The following FAHD2A variants were observed in gnomAD, a reference collection of about 807,000 sequenced individuals.
FAHD2A encodes oxaloacetate tautomerase FAHD2A, mitochondrial.
In FAHD2A, 27 loss-of-function variants were observed where a neutral mutation model predicts 33.4. That is an observed-to-expected ratio of 0.81 (90% CI 0.60 to 1.11). The LOEUF (loss-of-function observed/expected upper bound fraction) is 1.11. Among genes scored for constraint, FAHD2A ranks in the 50% most tolerant of loss-of-function variants. The pLI is 0.00. For missense variants in FAHD2A, 296 were observed against 395.0 expected, an observed-to-expected ratio of 0.75 and a Z score of 2.12; for synonymous variants, 130 against 153.3, an observed-to-expected ratio of 0.85 and a Z score of 1.12.
chr2:95,403,321 A>G (rs2874266), intron 1 of FAHD2A, among the ~76,000 whole-genome samples: 6 of 151,972 alleles, frequency 3.9e-5, no homozygotes, highest in African/African-American at 9.7e-5. Flanking sequence ...CTACCTGAGG[A>G]GATTGCTGTA....
At chr2:95,410,825 A>T (rs894584573) in intron 4 of FAHD2A, 39 bp from the exon 5 acceptor site, 8 of 1,611,356 alleles carry the variant, frequency 5.0e-6, no homozygotes, top group Non-Finnish European at 6.8e-6. Context: ...GTCACCCATG[A>T]TCTAACCTCC....
At position 95,412,334 on chromosome 2, in the gene FAHD2A, C is replaced by T. The variant is rs1682660747; in HGVS notation, c.686-100C>T. The T allele has an allele frequency of 4.9e-6, 7 of 1,429,538 alleles. No homozygotes were observed. The South Asian group carries it at 9.0e-5, about 18-fold the overall frequency. The allele number at this position is 1,429,538 out of a possible 1,614,324, so 88.6% of individuals were successfully genotyped here. On this transcript the variant is annotated intron_variant, in intron 5 of 7. Transcript: ENST00000233379. Reference sequence around the variant, plus strand: ...ATGTGGGCACTTTGAAGCCCTTTCACCTGCCAAGTCACGAAGCACCCCTAC... The same window carrying T: ...ATGTGGGCACTTTGAAGCCCTTTCATCTGCCAAGTCACGAAGCACCCCTAC...
At chr2:95,408,318 A>C (rs1385112026) in intron 3 of FAHD2A, among the ~76,000 whole-genome samples, 1 of 152,112 alleles carries the variant, frequency 6.6e-6, no homozygotes, top group Non-Finnish European at 1.5e-5. Flanking sequence ...TCCATGATCA[A>C]CCAAGGCCAC....
chr2:95,419,122 A>G (rs1042539387), downstream of FAHD2A, among the ~76,000 whole-genome samples: 1 of 152,066 alleles, frequency 6.6e-6, no homozygotes, highest in Non-Finnish European at 1.5e-5. Flanking sequence ...AGGCCCTGCT[A>G]CATCTTGATT....
At chr2:95,404,825 T>C (rs1681267211) in intron 1 of FAHD2A, among the ~76,000 whole-genome samples, 2 of 152,216 alleles carry the variant, frequency 1.3e-5, no homozygotes, top group Non-Finnish European at 2.9e-5. Flanking sequence ...GTTGTTTGTC[T>C]GCAGCCTCTT....
At chr2:95,417,858 C>G (rs1683252026), downstream of FAHD2A, among the ~76,000 whole-genome samples, 1 of 152,104 alleles carries the variant, frequency 6.6e-6, no homozygotes, top group Non-Finnish European at 1.5e-5. Context: ...ACCCAATAGC[C>G]TCCCAAAGGC....
intron 4 of FAHD2A, 88 bp from the exon 5 acceptor site, chr2:95,410,776 G>A (rs1682350239): frequency 1.0e-5 from 16 of 1,580,596 alleles, no homozygotes; most frequent in Non-Finnish European, 1.4e-5. Context: ...CTACTAACAT[G>A]GGATAACAGC....
rs1682928191 is a variant in FAHD2A at position 95,414,128 on chromosome 2, A to G, written c.*1171A>G. The G allele has an allele frequency of 6.7e-7, 1 of 1,497,378 alleles. No individual in the cohort carries two copies. The highest frequency in any genetic ancestry group is 9.2e-7 in the Non-Finnish European group (1 of 1,092,514). 92.8% of individuals were successfully genotyped at this position (1,497,378 alleles called of 1,614,324 possible). A position where few individuals can be genotyped will look rare whatever the true frequency, so the allele number is the denominator to read the frequency against. ...CAGGGAGGGATAGATCTCCGACTGG[A>G]CAGAAGACTACTCTGCAGCCCGCCT... On this transcript the variant is annotated 3_prime_UTR_variant, in exon 8 of 8. Coordinates refer to ENST00000233379, the MANE Select transcript of FAHD2A (RefSeq NM_016044.3).
At chr2:95,404,453 T>A (rs1172796750) in intron 1 of FAHD2A, among the ~76,000 whole-genome samples, 1 of 152,042 alleles carries the variant, frequency 6.6e-6, no homozygotes, top group Non-Finnish European at 1.5e-5. Flanking sequence ...GCCACCACAC[T>A]CGGCGAGTTT....
In FAHD2A at chr2:95,405,533, T is replaced by G. The variant is rs1184252457; in HGVS notation, c.-6-20T>G. Reference sequence around the variant, plus strand: ...GCTCTGGGATCCTCTGTCTCCTGGATCCTGCATTTTTCTCTGCAGGCTCTG... The same window carrying G: ...GCTCTGGGATCCTCTGTCTCCTGGAGCCTGCATTTTTCTCTGCAGGCTCTG... On this transcript the variant is annotated intron_variant, in intron 1 of 7. Coordinates refer to ENST00000233379, the MANE Select transcript of FAHD2A (RefSeq NM_016044.3). 2 of 1,598,006 alleles carry G rather than the reference T, an allele frequency of 1.3e-6. No homozygotes were observed. Among genetic ancestry groups the G allele is most frequent in the Admixed American group, 1.7e-5 (1 of 58,980 alleles).
chr2:95,413,162 G>A lies in FAHD2A; in HGVS notation c.*205G>A. 9.3e-7 allele frequency: 1 copy of A among 1,077,704 alleles called. No homozygotes were observed. Among genetic ancestry groups the A allele is most frequent in the Non-Finnish European group, 1.3e-6 (1 of 759,788 alleles). The allele number at this position is 1,077,704 out of a possible 1,614,324, so 66.8% of individuals were successfully genotyped here. A position where few individuals can be genotyped will look rare whatever the true frequency, so the allele number is the denominator to read the frequency against. Reference sequence around the variant, plus strand: ...GCTTCTGCTGTTTGTCTTCTTTTGGGCTTTGTTTCATGGGACAAGTTGGGG... The same window carrying A: ...GCTTCTGCTGTTTGTCTTCTTTTGGACTTTGTTTCATGGGACAAGTTGGGG... On this transcript the variant is annotated 3_prime_UTR_variant, in exon 8 of 8. Coordinates refer to ENST00000233379, the MANE Select transcript of FAHD2A (RefSeq NM_016044.3).
chr2:95,410,990 C>T lies in FAHD2A; in HGVS notation c.649C>T (p.Leu217=), dbSNP rs1362566239. The change falls in exon 5 of 8, where the codon CTG becomes TTG. Residue 217 remains leucine (L), a synonymous_variant. Coordinates refer to ENST00000233379, the MANE Select transcript of FAHD2A (RefSeq NM_016044.3). ...AAAAACCTTCGACACCTTCTGCCCT[C>T]TGGGCCCTGCCTTGGTGACCAAGGA... The part of the protein sequence containing the change: ...LGKTFDTFCP[L]GPALVTKDSV... 2 of 1,613,992 alleles carry T rather than the reference C, an allele frequency of 1.2e-6. No homozygotes were observed. Among genetic ancestry groups the T allele is most frequent in the East Asian group, 4.5e-5 (2 of 44,886 alleles).
intron 6 of FAHD2A, 39 bp from the exon 7 acceptor site, chr2:95,412,638 C>T: frequency 6.2e-7 from 1 of 1,613,784 alleles, no homozygotes; most frequent in Non-Finnish European, 8.5e-7. Flanking sequence ...CCACCTCAGC[C>T]AGCCCCTGGT....
chr2:95,407,050 T>G lies in FAHD2A; in HGVS notation c.355T>G (p.Cys119Gly). 1 of 1,613,730 alleles carries G rather than the reference T, an allele frequency of 6.2e-7. No homozygotes were observed. Among genetic ancestry groups the G allele is most frequent in the Non-Finnish European group, 8.5e-7 (1 of 1,179,836 alleles). The change falls in exon 3 of 8, where the codon TGC (cysteine) becomes GGC (glycine). Residue 119 changes from cysteine (C) to glycine (G), a missense_variant. Physicochemically the swap from Cys to Gly is radical, Grantham distance 159 (BLOSUM62 -3). Coordinates refer to ENST00000233379, the MANE Select transcript of FAHD2A (RefSeq NM_016044.3). ...VCVGMNYVDH[C>G]KEQNVPVPKE... ...TGTGGGCATGAATTATGTGGACCAC[T>G]GCAAAGAACAGAACGTGCCCGTGCC...
downstream of FAHD2A, among the ~76,000 whole-genome samples, chr2:95,419,254 A>G (rs1026841922): frequency 3.3e-5 from 5 of 152,204 alleles, no homozygotes; most frequent in East Asian, 1.9e-4. Flanking sequence ...GCACTTTTAT[A>G]AGAAATGTGT....
chr2:95,405,326 C>CT (rs1188381104), intron 1 of FAHD2A: 1 of 510,946 alleles, frequency 2.0e-6, no homozygotes, highest in Non-Finnish European at 3.4e-6. Flanking sequence ...TGAAGGAACG[C>CT]TGGAATCCCT....
chr2:95,414,443 C>T lies in FAHD2A; in HGVS notation c.*1486C>T. The T allele has an allele frequency of 3.6e-6, 2 of 563,272 alleles. No individual in the cohort carries two copies. Among genetic ancestry groups the T allele is most frequent in the Non-Finnish European group, 6.5e-6 (2 of 308,676 alleles). 34.9% of individuals were successfully genotyped at this position (563,272 alleles called of 1,614,324 possible). On this transcript the variant is annotated 3_prime_UTR_variant, in exon 8 of 8. Coordinates refer to ENST00000233379, the MANE Select transcript of FAHD2A (RefSeq NM_016044.3). ...GAAGGCCTGCACCCCGTCTCAGTTCCTCCACTGCTTCGTCCCAGATTCTGT... is the reference window on the plus strand; with the variant it reads ...GAAGGCCTGCACCCCGTCTCAGTTCTTCCACTGCTTCGTCCCAGATTCTGT...
chr2:95,414,120 C>T lies in FAHD2A; in HGVS notation c.*1163C>T. On this transcript the variant is annotated 3_prime_UTR_variant, in exon 8 of 8. Coordinates refer to ENST00000233379, the MANE Select transcript of FAHD2A (RefSeq NM_016044.3). ...AAGAAGCCCAGGGAGGGATAGATCT[C>T]CGACTGGACAGAAGACTACTCTGCA... The T allele has an allele frequency of 1.3e-6, 2 of 1,487,778 alleles. No individual in the cohort carries two copies. The highest frequency in any genetic ancestry group is 9.2e-7 in the Non-Finnish European group (1 of 1,081,256). 92.2% of individuals were successfully genotyped at this position (1,487,778 alleles called of 1,614,324 possible).
At chr2:95,412,393 G>A in intron 5 of FAHD2A, 41 bp from the exon 6 acceptor site, 1 of 1,611,702 alleles carries the variant, frequency 6.2e-7, no homozygotes, top group Non-Finnish European at 8.5e-7. Flanking sequence ...GGGTTTGAGG[G>A]GGAAAAGGGA....
Sources: allele counts gnomAD v4.1 joint callset (sites outside exome capture counted in the v4.1 genomes callset), GRCh38; gene constraint gnomAD v4.1.1; transcripts MANE v1.5; gene names NCBI Gene and HGNC (gene_info 2026-07-23, HGNC 2026-07-21).